DNMBP: variants seen among roughly 807,000 people sequenced by gnomAD.
DNMBP encodes the protein dynamin binding protein.
A neutral mutation model predicts 150.0 loss-of-function variants in DNMBP; 87 were observed. The observed-to-expected ratio is 0.58, with a 90% CI of 0.49 to 0.69. The LOEUF is 0.69. Ranked by LOEUF, DNMBP falls within the 30% of genes least tolerant of loss-of-function variation. The pLI is 0.00. For missense variants in DNMBP, 1,774 were observed against 1,949.0 expected (o/e 0.91, Z 1.69); for synonymous variants, 711 against 750.4 (o/e 0.95, Z 0.86).
At chr10:99,964,698 C>T (rs551073447) in intron 3 of DNMBP, among the ~76,000 whole-genome samples, 3 of 151,556 alleles carry the variant, frequency 2.0e-5, no homozygotes, top group East Asian at 3.9e-4. Flanking sequence ...TGGTGAAACC[C>T]TGTCTCTACT....
chr10:99,929,838 C>T (rs1388231813), intron 4 of DNMBP: 7 of 702,834 alleles, frequency 1.0e-5, no homozygotes, highest in Non-Finnish European at 1.6e-5. Context: ...GATCCTGCTG[C>T]CCCCATGTGC....
chr10:99,982,183 A>G (rs563028537), intron 1 of DNMBP, among the ~76,000 whole-genome samples: 1 of 152,256 alleles, frequency 6.6e-6, no homozygotes, highest in South Asian at 2.1e-4. Context: ...AGTGGCTCAC[A>G]CCTATAATCC....
intron 8 of DNMBP, 69 bp from the exon 9 acceptor site, chr10:99,898,354 A>G: frequency 7.2e-7 from 1 of 1,380,742 alleles, no homozygotes; most frequent in Non-Finnish European, 1.0e-6. Context: ...GAACATCGTG[A>G]GACCCCACCT....
chr10:99,895,897 G>A lies in DNMBP; in HGVS notation c.3051+370C>T, dbSNP rs554364186. 3.3e-5 allele frequency among the ~76,000 whole-genome samples: 5 copies of A among 152,282 alleles called. No homozygotes were observed. The South Asian group carries it at 6.2e-4, about 19-fold the overall frequency. ...CTTCAGGTCAACTTTCAGCATCGCC[G>A]ATAAACTGTTTTTCAATCCATTCAA... On this transcript the variant is annotated intron_variant, in intron 10 of 16. Coordinates refer to ENST00000324109, the MANE Select transcript of DNMBP (RefSeq NM_015221.4).
chr10:99,912,388 A>C (rs1352422238), intron 4 of DNMBP, among the ~76,000 whole-genome samples: 1 of 152,188 alleles, frequency 6.6e-6, no homozygotes, highest in Non-Finnish European at 1.5e-5. Context: ...TTACTCATCA[A>C]TCAGAAGCCA....
At chr10:99,922,884 T>G (rs955621320) in intron 4 of DNMBP, among the ~76,000 whole-genome samples, 4 of 152,188 alleles carry the variant, frequency 2.6e-5, no homozygotes, top group African/African-American at 9.6e-5. Context: ...TTTTTCCCTC[T>G]CCTTTGCCTC....
Position 99,879,905 on chromosome 10 carries a change from T to C in DNMBP, c.4454A>G (p.Gln1485Arg), listed in dbSNP as rs1307864343. The C allele has an allele frequency of 6.2e-7, 1 of 1,614,266 alleles. No individual in the cohort carries two copies. The highest frequency in any genetic ancestry group is 8.5e-7 in the Non-Finnish European group (1 of 1,180,052). ...VGYSVPGRNG[Q>R]SQDLVKGCAR... ...ACATCCTTTGACGAGGTCTTGACTTTGCCCATTTCGTCCTGGTACGGAGTA... is the reference window on the plus strand; with the variant it reads ...ACATCCTTTGACGAGGTCTTGACTTCGCCCATTTCGTCCTGGTACGGAGTA... Residue 1485 changes from glutamine to arginine, a missense_variant, in exon 16 of 17, where the codon CAA (glutamine) becomes CGA (arginine). Physicochemically the swap from Gln to Arg is conservative, Grantham distance 43. This residue lies in a region of DNMBP where 1,430 missense variants were observed against 1,492.5 expected (regional missense o/e 0.96). Coordinates refer to ENST00000324109, the MANE Select transcript of DNMBP (RefSeq NM_015221.4).
At chr10:99,975,087 C>T (rs747278518) in intron 1 of DNMBP, among the ~76,000 whole-genome samples, 5 of 152,166 alleles carry the variant, frequency 3.3e-5, no homozygotes, top group Admixed American at 2.0e-4. Flanking sequence ...CAGCCAGGCA[C>T]GGTGGCTCAT....
intron 3 of DNMBP, chr10:99,957,522 T>C (rs1333694008): frequency 6.4e-6 from 2 of 311,192 alleles, no homozygotes; most frequent in Admixed American, 9.3e-5. Flanking sequence ...GTAATCTCTG[T>C]GAAAAAGCAA....
Position 99,917,026 on chromosome 10 carries a change from G to C in DNMBP, c.2261-7880C>G, listed in dbSNP as rs2039971896. 2.0e-5 allele frequency among the ~76,000 whole-genome samples: 3 copies of C among 151,968 alleles called. No homozygotes were observed. In the South Asian group the frequency reaches 6.2e-4, roughly 32 times the overall value. On this transcript the variant is annotated intron_variant, in intron 4 of 16. Transcript: ENST00000324109. Reference sequence around the variant, plus strand: ...AATAAAAAACCAAAAGAGCAAAAGGGCCCAGGTAAATAAACTATGGCATGC... The same window carrying C: ...AATAAAAAACCAAAAGAGCAAAAGGCCCCAGGTAAATAAACTATGGCATGC...
At chr10:99,960,240 CTTGA>C (rs756657504) in intron 3 of DNMBP, among the ~76,000 whole-genome samples, 1 of 152,076 alleles carries the variant, frequency 6.6e-6, no homozygotes, top group African/African-American at 2.4e-5. Context: ...ATAACAAACT[CTTGA>C]TTATCTGATT....
At chr10:99,893,164 T>A (rs1207513566) in intron 11 of DNMBP, among the ~76,000 whole-genome samples, 1 of 152,252 alleles carries the variant, frequency 6.6e-6, no homozygotes, top group Non-Finnish European at 1.5e-5. Context: ...TAACACTGAG[T>A]TAGCAAGGGA....
intron 1 of DNMBP, among the ~76,000 whole-genome samples, chr10:100,001,862 T>A (rs1444833500): frequency 6.6e-6 from 1 of 152,162 alleles, no homozygotes; most frequent in Non-Finnish European, 1.5e-5. Flanking sequence ...AAAGTACTTC[T>A]CCCCTCCACA....
chr10:99,910,824 A>G (rs2039889942), intron 4 of DNMBP, among the ~76,000 whole-genome samples: 1 of 152,256 alleles, frequency 6.6e-6, no homozygotes, highest in African/African-American at 2.4e-5. Context: ...TCCACTGAAT[A>G]AGAACCTGTA....
In DNMBP at chr10:99,957,083, G is replaced by A. The variant is rs772943085; in HGVS notation, c.391C>T (p.Arg131Trp). 8 of 1,614,120 alleles carry A rather than the reference G, an allele frequency of 5.0e-6. No individual in the cohort carries two copies. The highest frequency in any genetic ancestry group is 1.7e-5 in the Admixed American group (1 of 60,028). The change falls in exon 4 of 17, where the codon CGG (arginine) becomes TGG (tryptophan). Residue 131 changes from arginine (R) to tryptophan (W), a missense_variant. By Grantham distance (101) the Arg-to-Trp change is moderately radical. Around this residue, in one of 2 missense-constraint regions of DNMBP, gnomAD observed 344 missense variants for 456.6 expected, o/e 0.75. Transcript: ENST00000324109. ...AGGGCGCTCTGGGAGTGCCACTGCC[G>A]GCTCTGTGAGGAGAGGCAGAGCTCG... ...VRELCLSSQS[R>W]QWHSQSALFQ...
chr10:99,905,968 TA>T (rs894654002), intron 6 of DNMBP, among the ~76,000 whole-genome samples: 8 of 152,098 alleles, frequency 5.3e-5, no homozygotes, highest in African/African-American at 1.4e-4. Context: ...AGACCCTGTC[TA>T]AAAAAAGAAG....
intron 3 of DNMBP, among the ~76,000 whole-genome samples, chr10:99,968,794 C>G (rs1351444554): frequency 6.6e-6 from 1 of 151,772 alleles, no homozygotes; most frequent in South Asian, 2.1e-4. Flanking sequence ...AGTTCATATT[C>G]TGAGGCCAAG....
chr10:99,884,240 CA>C (rs1404562171), intron 14 of DNMBP, 31 bp from the exon 15 acceptor site: 1 of 1,583,792 alleles, frequency 6.3e-7, no homozygotes, highest in Non-Finnish European at 8.7e-7. Flanking sequence ...AAAAATCTCT[CA>C]GTGGCCACTA....
chr10:99,949,724 A>C (rs191344007), intron 4 of DNMBP, among the ~76,000 whole-genome samples: 257 of 152,340 alleles, frequency 1.7e-3, no homozygotes, highest in African/African-American at 5.7e-3. Context: ...TCACAGCACT[A>C]AACAGCAATT....
Sources: allele counts gnomAD v4.1 joint callset (sites outside exome capture counted in the v4.1 genomes callset), GRCh38; gene constraint gnomAD v4.1.1; regional missense constraint gnomAD v4.1.1; transcripts MANE v1.5; gene names NCBI Gene and HGNC (gene_info 2026-07-23, HGNC 2026-07-21).